GRIN2A: variants seen among roughly 807,000 people sequenced by gnomAD.
The protein encoded by GRIN2A is glutamate receptor ionotropic, NMDA 2A.
Under a neutral mutation model 113.4 loss-of-function variants are expected in GRIN2A, and 22 were observed. The observed-to-expected ratio is 0.19, with a 90% CI of 0.14 to 0.28. The LOEUF is 0.28. Among genes scored for constraint, GRIN2A ranks in the 10% least tolerant of loss-of-function variants. GRIN2A has a pLI of 1.00. For synonymous variants in GRIN2A, 827 were observed against 738.4 expected, an observed-to-expected ratio of 1.12 and a Z score of -1.94; for missense variants, 1,502 against 1,887.0, an observed-to-expected ratio of 0.80 and a Z score of 3.78.
chr16:9,985,891 C>A (rs1222310205), intron 2 of GRIN2A, among the ~76,000 whole-genome samples: 2 of 151,890 alleles, frequency 1.3e-5, no homozygotes, highest in Non-Finnish European at 2.9e-5. Flanking sequence ...TGATGGATAC[C>A]CCATCTACTC....
At chr16:9,889,775 T>C (rs188302186) in intron 4 of GRIN2A, among the ~76,000 whole-genome samples, 1 of 152,318 alleles carries the variant, frequency 6.6e-6, no homozygotes, top group Non-Finnish European at 1.5e-5. Context: ...ATATTTTTGT[T>C]ACTAATTTTT....
At chr16:10,152,509 T>G (rs2049602918) in intron 2 of GRIN2A, among the ~76,000 whole-genome samples, 1 of 152,160 alleles carries the variant, frequency 6.6e-6, no homozygotes, top group Non-Finnish European at 1.5e-5. Context: ...GTCCAGTCCG[T>G]TTTCCCCCCA....
chr16:10,180,481 G>A lies in GRIN2A; in HGVS notation c.-18-52C>T. On this transcript the variant is annotated intron_variant, in intron 1 of 12. Transcript: ENST00000330684. This position sits in a 1 kb window ranked among gnomAD's most constrained non-coding sequence, Gnocchi z 7.0. Reference sequence around the variant, plus strand: ...GCCGCGGTGAGCAAGGCGACCAGAAGAAAGGGATTACCAACTTGGCTTCCT... The same window carrying A: ...GCCGCGGTGAGCAAGGCGACCAGAAAAAAGGGATTACCAACTTGGCTTCCT... 1 of 1,553,586 alleles carries A rather than the reference G, an allele frequency of 6.4e-7. No homozygotes were observed. Among genetic ancestry groups the A allele is most frequent in the South Asian group, 1.2e-5 (1 of 86,214 alleles).
intron 4 of GRIN2A, among the ~76,000 whole-genome samples, chr16:9,879,276 G>A (rs1335694758): frequency 1.3e-5 from 2 of 152,116 alleles, no homozygotes; most frequent in South Asian, 2.1e-4. Context: ...TTTGGGAGAA[G>A]AAAGAAAAGA....
chr16:10,084,806 G>A (rs887486840), intron 2 of GRIN2A, among the ~76,000 whole-genome samples: 12 of 147,606 alleles, frequency 8.1e-5, no homozygotes, highest in Non-Finnish European at 1.0e-4. Flanking sequence ...AGCTCCGTAA[G>A]GGTAAAAGGA....
chr16:9,836,301 T>C (rs1279978414), intron 7 of GRIN2A, among the ~76,000 whole-genome samples: 2 of 152,206 alleles, frequency 1.3e-5, no homozygotes, highest in African/African-American at 4.8e-5. Flanking sequence ...CCAGAAATAC[T>C]GGGGCAACAA....
At chr16:10,120,175 G>C (rs1363865429) in intron 2 of GRIN2A, among the ~76,000 whole-genome samples, 1 of 152,176 alleles carries the variant, frequency 6.6e-6, no homozygotes, top group Admixed American at 6.5e-5. Context: ...CACAATGGCT[G>C]AACAAATTTA....
At position 10,011,031 on chromosome 16, in the gene GRIN2A, A is replaced by G. The variant is rs144714953; in HGVS notation, c.415-72480T>C. Among the ~76,000 whole-genome samples, 239 of 152,308 alleles carry G rather than the reference A, an allele frequency of 1.6e-3. 3 individuals carry two copies. The highest frequency in any genetic ancestry group is 5.6e-3 in the African/African-American group (234 of 41,554). The stretch of plus-strand genomic sequence containing the variant: ...TCCAACTTTTCATGGTGACATCCAA[A>G]GTTCCCAGCCACCAATGCCAGACTC... On this transcript the variant is annotated intron_variant, in intron 2 of 12. Transcript: ENST00000330684.
chr16:9,756,037 T>A lies in GRIN2A; in HGVS notation c.*7112A>T, dbSNP rs143274147. The A allele has an allele frequency of 6.1e-3, 1,335 of 220,488 alleles. 13 individuals are homozygous for A. The highest frequency in any genetic ancestry group is 0.028 in the African/African-American group (1,250 of 44,674). 13.7% of individuals were successfully genotyped at this position (220,488 alleles called of 1,614,324 possible). On this transcript the variant is annotated 3_prime_UTR_variant, in exon 13 of 13. Transcript: ENST00000330684. ...AAGATAACCAAACATAGACATGAAA[T>A]AGGAGGAATAGTCAACTTGCAAATA...
intron 2 of GRIN2A, among the ~76,000 whole-genome samples, chr16:9,972,222 A>C (rs1470396810): frequency 2.0e-5 from 3 of 152,224 alleles, no homozygotes; most frequent in African/African-American, 4.8e-5. Flanking sequence ...TGAGAGACAG[A>C]TATGGAAATG....
chr16:10,142,706 A>C (rs911801753), intron 2 of GRIN2A, among the ~76,000 whole-genome samples: 1 of 152,162 alleles, frequency 6.6e-6, no homozygotes, highest in African/African-American at 2.4e-5. Flanking sequence ...CTCTAAAAAC[A>C]CAAACAAATT....
chr16:10,112,449 G>C (rs2048636168), intron 2 of GRIN2A: 3 of 780,270 alleles, frequency 3.8e-6, no homozygotes, highest in Non-Finnish European at 7.0e-6. Flanking sequence ...TCAGCACTTT[G>C]GTGTGTCCAT....
rs1900750903 is a variant in GRIN2A at position 9,764,173 on chromosome 16, T to G, written c.3371A>C (p.Lys1124Thr). 2 of 1,613,372 alleles carry G rather than the reference T, an allele frequency of 1.2e-6. No individual in the cohort carries two copies. Among genetic ancestry groups the G allele is most frequent in the African/African-American group, 2.7e-5 (2 of 74,796 alleles). ...TGGATCTAAGTGGAAACCAGGCTCC[T>G]TCTCACCATCTATAGTGTAGATCTT... ...RDKIYTIDGE[K>T]EPGFHLDPPQ... Residue 1124 changes from lysine to threonine, a missense_variant, in exon 13 of 13, where the codon AAG becomes ACG. Physicochemically the swap from Lys to Thr is moderately conservative, Grantham distance 78. Around this residue, in one of 7 missense-constraint regions of GRIN2A, gnomAD observed 832 missense variants for 789.7 expected, o/e 1.05. Coordinates refer to ENST00000330684, the MANE Select transcript of GRIN2A (RefSeq NM_001134407.3).
chr16:9,952,903 G>A (rs1029764929), intron 2 of GRIN2A, among the ~76,000 whole-genome samples: 2 of 152,198 alleles, frequency 1.3e-5, no homozygotes, highest in Admixed American at 1.3e-4. Context: ...AGGAAGGATG[G>A]AGAGACACAG....
intron 9 of GRIN2A, among the ~76,000 whole-genome samples, 176 bp from the exon 10 acceptor site, chr16:9,822,600 T>A (rs1268110304): frequency 6.6e-6 from 1 of 152,172 alleles, no homozygotes; most frequent in African/African-American, 2.4e-5. Flanking sequence ...TTCTACTTAG[T>A]CACATCTTCA....
intron 2 of GRIN2A, among the ~76,000 whole-genome samples, chr16:10,158,746 T>TC (rs775811477): frequency 4.6e-4 from 70 of 152,184 alleles, no homozygotes; most frequent in Non-Finnish European, 6.2e-4. Flanking sequence ...ATTAAAGGTT[T>TC]CCAGGAGCTG....
At chr16:9,885,354 T>C (rs566181038) in intron 4 of GRIN2A, among the ~76,000 whole-genome samples, 5 of 152,190 alleles carry the variant, frequency 3.3e-5, no homozygotes, top group East Asian at 3.9e-4. Context: ...CTGGGAAGCC[T>C]TGGACTCATC....
chr16:9,769,711 G>A (rs939244057), intron 11 of GRIN2A, among the ~76,000 whole-genome samples: 2 of 152,068 alleles, frequency 1.3e-5, no homozygotes, highest in African/African-American at 4.8e-5. Flanking sequence ...AATGAGATGA[G>A]AATGTATAAA....
chr16:9,963,197 C>A (rs906455001), intron 2 of GRIN2A, among the ~76,000 whole-genome samples: 1 of 151,350 alleles, frequency 6.6e-6, no homozygotes, highest in Admixed American at 6.6e-5. Context: ...TGCAGCACAC[C>A]AACATGGCAC....
Sources: allele counts gnomAD v4.1 joint callset (sites outside exome capture counted in the v4.1 genomes callset), GRCh38; gene constraint gnomAD v4.1.1; regional missense constraint gnomAD v4.1.1; non-coding constraint Gnocchi (gnomAD v3.1); transcripts MANE v1.5; gene names NCBI Gene and HGNC (gene_info 2026-07-23, HGNC 2026-07-21).